The following H2AJ variants were observed in gnomAD, a reference collection of about 807,000 sequenced individuals.
The protein encoded by H2AJ is H2A.J histone, also known as histone H2A.J.
Under a neutral mutation model 7.9 loss-of-function variants are expected in H2AJ, and 3 were observed. The observed-to-expected ratio is 0.38, with a 90% CI of 0.17 to 0.98. The LOEUF (loss-of-function observed/expected upper bound fraction) is 0.98. Among genes scored for constraint, H2AJ ranks in the 50% least tolerant of loss-of-function variants. The probability of loss-of-function intolerance (pLI) is 0.39; values close to 1 mark genes in which losing one functional copy is unlikely to be tolerated. For missense variants in H2AJ, 128 were observed against 174.4 expected (o/e 0.73, Z 1.50); for synonymous variants, 98 against 85.7 (o/e 1.14, Z -0.79).
At chr12:14,777,663 G>A (rs1241331442), downstream of H2AJ, 1 of 166,964 alleles carries the variant, frequency 6.0e-6, no homozygotes, top group African/African-American at 2.4e-5. Flanking sequence ...TCTGATTTTT[G>A]GAAACTTAAT....
downstream of H2AJ, chr12:14,776,397 T>C (rs1308206846): frequency 1.2e-5 from 2 of 167,160 alleles, no homozygotes; most frequent in African/African-American, 4.8e-5. Flanking sequence ...CTGTTAGTAC[T>C]TGTACCTCTC....
In H2AJ at chr12:14,774,445, T is replaced by TAG. The variant is rs1949598084; in HGVS notation, c.-26_-25insAG. The TAG allele has an allele frequency of 6.5e-7, 1 of 1,536,506 alleles. No homozygotes were observed. Among genetic ancestry groups the TAG allele is most frequent in the African/African-American group, 1.4e-5 (1 of 72,250 alleles). On this transcript the variant is annotated 5_prime_UTR_variant, in exon 1 of 1. Coordinates refer to ENST00000544848, the MANE Select transcript of H2AJ (RefSeq NM_177925.5). ...ACGCCGAGAGCGGTTTGTCTCCGTC[T>TAG]CTGGAGTTGTAGGCGAGAGGTGATC...
rs767138261 is a variant in H2AJ, at chr12:14,774,837, A to G, written c.367A>G (p.Ser123Gly). Residue 123 changes from serine (S) to glycine (G), a missense_variant, in exon 1 of 1, where the codon AGT becomes GGT. Physicochemically the swap from Ser to Gly is moderately conservative, Grantham distance 56. Transcript: ENST00000544848. ...QAVLLPKKTE[S>G]QKTKSK Reference sequence around the variant, plus strand: ...CGTGCTGCTGCCCAAGAAGACGGAGAGTCAGAAGACGAAGAGCAAATGACC... The same window carrying G: ...CGTGCTGCTGCCCAAGAAGACGGAGGGTCAGAAGACGAAGAGCAAATGACC... 28 of 1,614,040 alleles carry G rather than the reference A, an allele frequency of 1.7e-5. No homozygotes were observed. Among genetic ancestry groups the G allele is most frequent in the Non-Finnish European group, 2.3e-5 (27 of 1,180,034 alleles).
downstream of H2AJ, chr12:14,776,303 C>T (rs1949639523): frequency 6.0e-6 from 1 of 167,106 alleles, no homozygotes; most frequent in South Asian, 2.1e-4. Context: ...CAGATTTCCA[C>T]TCTCTCGGAG....
downstream of H2AJ, chr12:14,775,736 T>C (rs183316337): frequency 3.2e-3 from 767 of 240,884 alleles, 5 homozygotes; most frequent in African/African-American, 0.017. Context: ...AGAATCGGTT[T>C]GACTTTGCTT....
rs1949614171 is a variant in H2AJ at position 14,774,965 on chromosome 12, T to C, written c.*105T>C. 1.5e-6 allele frequency: 2 copies of C among 1,346,754 alleles called. No homozygotes were observed. Among genetic ancestry groups the C allele is most frequent in the African/African-American group, 2.9e-5 (2 of 67,998 alleles). 83.4% of individuals were successfully genotyped at this position (1,346,754 alleles called of 1,614,324 possible). The stretch of plus-strand genomic sequence containing the variant: ...TGGATGTCATGGAGGGCCGGTGACA[T>C]CTAGCGGGGAGGTGGGCGGCGAGGG... On this transcript the variant is annotated 3_prime_UTR_variant, in exon 1 of 1. Transcript: ENST00000544848.
Position 14,774,465 on chromosome 12 carries a change from G to T in H2AJ, c.-6G>T. The T allele has an allele frequency of 6.4e-7, 1 of 1,556,346 alleles. No homozygotes were observed. Among genetic ancestry groups the T allele is most frequent in the Non-Finnish European group, 8.7e-7 (1 of 1,153,250 alleles). ...CCGTCTCTGGAGTTGTAGGCGAGAGGTGATCATGTCCGGTCGCGGGAAACA... is the reference window on the plus strand; with the variant it reads ...CCGTCTCTGGAGTTGTAGGCGAGAGTTGATCATGTCCGGTCGCGGGAAACA... On this transcript the variant is annotated 5_prime_UTR_variant, in exon 1 of 1. Coordinates refer to ENST00000544848, the MANE Select transcript of H2AJ (RefSeq NM_177925.5).
chr12:14,775,276 A>G (rs1018944946), downstream of H2AJ: 11 of 474,200 alleles, frequency 2.3e-5, no homozygotes, highest in Middle Eastern at 3.3e-4. Flanking sequence ...AATTATTTTT[A>G]CTTCCCTTTC....
downstream of H2AJ, chr12:14,777,095 T>C (rs999350599): frequency 6.3e-6 from 1 of 158,176 alleles, no homozygotes; most frequent in Admixed American, 6.8e-5. Flanking sequence ...TTTTTGAGAG[T>C]TTTTTTTTTA....
At chr12:14,777,573 G>C (rs185009562), downstream of H2AJ, 3 of 167,020 alleles carry the variant, frequency 1.8e-5, no homozygotes, top group Admixed American at 2.0e-4. Flanking sequence ...TGGTTGAAAG[G>C]TCGCATACCA....
At chr12:14,776,864 G>A (rs1949647121), downstream of H2AJ, 1 of 167,048 alleles carries the variant, frequency 6.0e-6, no homozygotes, top group Non-Finnish European at 1.5e-5. Flanking sequence ...AAGGACAAGG[G>A]ACATCAAGAC....
downstream of H2AJ, chr12:14,775,376 A>G (rs1193281652): frequency 2.1e-6 from 1 of 471,236 alleles, no homozygotes; most frequent in Admixed American, 2.3e-5. Context: ...CGGGGCAGGA[A>G]GTGTCTGCGG....
In H2AJ at chr12:14,774,893, C is replaced by T. The variant is rs78538025; in HGVS notation, c.*33C>T. 9.5e-5 allele frequency: 151 copies of T among 1,597,770 alleles called. 2 individuals carry two copies. The East Asian group carries it at 3.2e-3, about 34-fold the overall frequency. On this transcript the variant is annotated 3_prime_UTR_variant, in exon 1 of 1. Transcript: ENST00000544848. ...GCCGCCCTCAGGGAGCTGGCTCCCC[C>T]AGCAAAGGCCCTTTTCATGGTCGTC...
At chr12:14,777,507 C>T (rs1024232895), downstream of H2AJ, 1 of 166,862 alleles carries the variant, frequency 6.0e-6, no homozygotes, top group African/African-American at 2.4e-5. Context: ...TTAGTCAGGC[C>T]CCATAATTGG....
At position 14,774,558 on chromosome 12, in the gene H2AJ, C is replaced by CGA. The variant is rs749402832; in HGVS notation, c.90_91dup (p.Val31GlufsTer50). Reference sequence around the variant, plus strand: ...CGCGGGCCTGCAGTTCCCGGTGGGCCGAGTGCACAGACTGCTGCGCAAAGG... The same window carrying CGA: ...CGCGGGCCTGCAGTTCCCGGTGGGCCGAGAGTGCACAGACTGCTGCGCAAAGG... On this transcript the variant is annotated frameshift_variant, in exon 1 of 1. Transcript: ENST00000544848. LOFTEE classifies it high-confidence loss of function. 11 of 1,613,436 alleles carry CGA rather than the reference C, an allele frequency of 6.8e-6. No individual in the cohort carries two copies. Among genetic ancestry groups the CGA allele is most frequent in the Non-Finnish European group, 9.3e-6 (11 of 1,179,790 alleles).
In H2AJ at chr12:14,774,638, G is replaced by T; in HGVS notation, c.168G>T (p.Leu56Phe). 6.2e-7 allele frequency: 1 copy of T among 1,614,150 alleles called. No individual in the cohort carries two copies. The highest frequency in any genetic ancestry group is 8.5e-7 in the Non-Finnish European group (1 of 1,180,024). ...CGCCGGTGTACCTGGCGGCGGTGTTGGAGTACCTTACGGCGGAGATCCTGG... is the reference window on the plus strand; with the variant it reads ...CGCCGGTGTACCTGGCGGCGGTGTTTGAGTACCTTACGGCGGAGATCCTGG... ...AGAPVYLAAV[L>F]EYLTAEILEL... The change falls in exon 1 of 1, where the codon TTG becomes TTT. Residue 56 changes from leucine (L) to phenylalanine (F), a missense_variant. Leu to Phe is a conservative substitution (Grantham distance 22). Transcript: ENST00000544848.
In H2AJ at chr12:14,774,579, A is replaced by C; in HGVS notation, c.109A>C (p.Lys37Gln). ...GGGCCGAGTGCACAGACTGCTGCGC[A>C]AAGGGAACTACGCGGAGCGAGTGGG... ...PVGRVHRLLR[K>Q]GNYAERVGAG... The change falls in exon 1 of 1, where the codon AAA becomes CAA. Residue 37 changes from lysine (K) to glutamine (Q), a missense_variant. Coordinates refer to ENST00000544848, the MANE Select transcript of H2AJ (RefSeq NM_177925.5). 1 of 1,613,918 alleles carries C rather than the reference A, an allele frequency of 6.2e-7. No individual in the cohort carries two copies. Among genetic ancestry groups the C allele is most frequent in the Non-Finnish European group, 8.5e-7 (1 of 1,179,950 alleles).
In H2AJ at chr12:14,774,418, G is replaced by C. The variant is rs538448521; in HGVS notation, c.-53G>C. ...GTGCGGTACGTTGCATTCCGGTACC[G>C]GACGCCGAGAGCGGTTTGTCTCCGT... is the stretch of plus-strand genomic sequence containing the variant. On this transcript the variant is annotated 5_prime_UTR_variant, in exon 1 of 1. Transcript: ENST00000544848. 8.5e-6 allele frequency: 13 copies of C among 1,521,286 alleles called. No individual in the cohort carries two copies. Among genetic ancestry groups the C allele is most frequent in the East Asian group, 2.3e-5 (1 of 44,028 alleles). 94.2% of individuals were successfully genotyped at this position (1,521,286 alleles called of 1,614,324 possible). A position where few individuals can be genotyped will look rare whatever the true frequency, so the allele number is the denominator to read the frequency against.
At chr12:14,775,046 G>GATC, downstream of H2AJ, 1 of 711,424 alleles carries the variant, frequency 1.4e-6, no homozygotes, top group South Asian at 1.9e-5. Context: ...GAGCTGTGTA[G>GATC]TCGCGGGGAC....
Sources: allele counts gnomAD v4.1 joint callset, GRCh38; gene constraint gnomAD v4.1.1; transcripts MANE v1.5; gene names NCBI Gene and HGNC (gene_info 2026-07-23, HGNC 2026-07-21).